KSR2: variants seen among roughly 807,000 people sequenced by gnomAD.
KSR2 encodes the protein kinase suppressor of ras 2.
In KSR2, 25 loss-of-function variants were observed where a neutral mutation model predicts 107.8. The ratio of observed to expected loss-of-function variants is 0.23; its 90% CI spans 0.17 to 0.32. The LOEUF (loss-of-function observed/expected upper bound fraction) is 0.32, where lower values mean the gene tolerates loss of function less well. Among genes scored for constraint, KSR2 ranks in the 10% least tolerant of loss-of-function variants. The pLI is 1.00. For synonymous variants in KSR2, 480 were observed against 507.0 expected (o/e 0.95, Z 0.71); for missense variants, 887 against 1,268.9 (o/e 0.70, Z 4.57).
intron 1 of KSR2, among the ~76,000 whole-genome samples, chr12:117,961,214 T>C (rs1440146092): frequency 6.6e-6 from 1 of 152,112 alleles, no homozygotes; most frequent in Non-Finnish European, 1.5e-5. Context: ...GAGGGCAACT[T>C]TGGGAAATAA....
chr12:117,634,441 C>A (rs1882958093), intron 5 of KSR2, among the ~76,000 whole-genome samples: 1 of 152,136 alleles, frequency 6.6e-6, no homozygotes, highest in African/African-American at 2.4e-5. Flanking sequence ...AACTTTTTGA[C>A]AACACCCATG....
At chr12:117,882,722 C>T (rs1187458547) in intron 1 of KSR2, among the ~76,000 whole-genome samples, 1 of 151,888 alleles carries the variant, frequency 6.6e-6, no homozygotes, top group Non-Finnish European at 1.5e-5. Context: ...TCCATCCATC[C>T]AACCACCCAC....
At chr12:117,718,422 T>C (rs1010286315) in intron 4 of KSR2, among the ~76,000 whole-genome samples, 2 of 152,206 alleles carry the variant, frequency 1.3e-5, no homozygotes, top group Non-Finnish European at 2.9e-5. Flanking sequence ...ACTGGATTAA[T>C]GGTCTTTAAA....
chr12:117,629,234 T>C (rs1882693054), intron 5 of KSR2, among the ~76,000 whole-genome samples: 1 of 152,218 alleles, frequency 6.6e-6, no homozygotes, highest in Non-Finnish European at 1.5e-5. Context: ...CCCAATGAGA[T>C]GAACCAGGTA....
At chr12:117,486,689 C>T (rs559865040) in intron 14 of KSR2, among the ~76,000 whole-genome samples, 2 of 152,232 alleles carry the variant, frequency 1.3e-5, no homozygotes, top group Non-Finnish European at 2.9e-5. Context: ...GATTGTATTT[C>T]CTGTGGTTGA....
chr12:117,949,729 A>C (rs546167843), intron 1 of KSR2, among the ~76,000 whole-genome samples: 1 of 152,340 alleles, frequency 6.6e-6, no homozygotes, highest in South Asian at 2.1e-4. Context: ...GTGGAAAAAG[A>C]ATCAGAAAAA....
intron 3 of KSR2, among the ~76,000 whole-genome samples, chr12:117,811,976 G>A (rs578065370): frequency 6.6e-6 from 1 of 152,334 alleles, no homozygotes; most frequent in Non-Finnish European, 1.5e-5. Context: ...CAGGCCAGCT[G>A]AGAATGCCAA....
intron 4 of KSR2, among the ~76,000 whole-genome samples, chr12:117,673,801 A>G (rs552434029): frequency 7.9e-5 from 12 of 152,348 alleles, no homozygotes; most frequent in African/African-American, 2.6e-4. Flanking sequence ...CTTTCCCGTG[A>G]TCTTTGTAGG....
At chr12:117,785,488 T>C (rs978632952) in intron 3 of KSR2, among the ~76,000 whole-genome samples, 6 of 144,212 alleles carry the variant, frequency 4.2e-5, no homozygotes, top group Admixed American at 3.5e-4. Context: ...ATATTAGAAT[T>C]ACCAGACATA....
chr12:117,592,110 T>C lies in KSR2; in HGVS notation c.1172-9751A>G, dbSNP rs185118824. Among the ~76,000 whole-genome samples the C allele has an allele frequency of 2.0e-3, 298 of 151,584 alleles. 2 individuals are homozygous for C. The highest frequency in any genetic ancestry group is 5.9e-3 in the African/African-American group (245 of 41,334). On this transcript the variant is annotated intron_variant, in intron 5 of 19. Transcript: ENST00000339824. ...TTCACATACTCACCCTCAAAATCGCTTTCCCCCCAACTTTTTTTTTTTTTT... is the reference window on the plus strand; with the variant it reads ...TTCACATACTCACCCTCAAAATCGCCTTCCCCCCAACTTTTTTTTTTTTTT...
At chr12:117,529,414 C>T (rs907410025) in intron 12 of KSR2, among the ~76,000 whole-genome samples, 1 of 152,072 alleles carries the variant, frequency 6.6e-6, no homozygotes, top group Non-Finnish European at 1.5e-5. Context: ...CGGGGTTTCA[C>T]CAGGTTGGCT....
At chr12:117,951,319 T>C (rs912343335) in intron 1 of KSR2, among the ~76,000 whole-genome samples, 1 of 152,182 alleles carries the variant, frequency 6.6e-6, no homozygotes. Flanking sequence ...AAAACACTGC[T>C]TCTCCAAGTC....
chr12:117,924,208 T>G (rs184457039), intron 1 of KSR2, among the ~76,000 whole-genome samples: 6 of 151,676 alleles, frequency 4.0e-5, no homozygotes, highest in Non-Finnish European at 8.8e-5. Flanking sequence ...AGGTTAAAAC[T>G]TAAAACTGAA....
chr12:117,847,354 G>A (rs975064967), intron 3 of KSR2, among the ~76,000 whole-genome samples: 28 of 152,282 alleles, frequency 1.8e-4, no homozygotes, highest in East Asian at 3.9e-4. Context: ...GTCCTATTTC[G>A]GGGGCCACTC....
At chr12:117,732,591 T>C (rs1396592062) in intron 4 of KSR2, among the ~76,000 whole-genome samples, 1 of 152,084 alleles carries the variant, frequency 6.6e-6, no homozygotes, top group East Asian at 1.9e-4. Context: ...CGCCTGGCCC[T>C]GAAAATTACT....
intron 5 of KSR2, among the ~76,000 whole-genome samples, chr12:117,583,415 G>C (rs1320576134): frequency 7.8e-6 from 1 of 128,882 alleles, no homozygotes; most frequent in Non-Finnish European, 1.6e-5. Flanking sequence ...GTGGATGGAT[G>C]GATGGATGGA....
intron 14 of KSR2, among the ~76,000 whole-genome samples, chr12:117,515,755 G>A (rs933631789): frequency 1.1e-4 from 17 of 152,194 alleles, no homozygotes; most frequent in African/African-American, 3.9e-4. Context: ...GTGAAACCCC[G>A]TCTCTACTAA....
chr12:117,727,917 A>T (rs1198968332), intron 4 of KSR2, among the ~76,000 whole-genome samples: 1 of 152,226 alleles, frequency 6.6e-6, no homozygotes, highest in Non-Finnish European at 1.5e-5. Flanking sequence ...CAACACACGG[A>T]TGTATCTCAA....
intron 5 of KSR2, among the ~76,000 whole-genome samples, chr12:117,660,520 C>A (rs1884391025): frequency 6.6e-6 from 1 of 152,132 alleles, no homozygotes; most frequent in Non-Finnish European, 1.5e-5. Flanking sequence ...CTTATGAGGA[C>A]ACCAGTCATA....
Sources: allele counts gnomAD v4.1 joint callset (sites outside exome capture counted in the v4.1 genomes callset), GRCh38; gene constraint gnomAD v4.1.1; transcripts MANE v1.5; gene names NCBI Gene and HGNC (gene_info 2026-07-23, HGNC 2026-07-21).